Variants in NBN observed in about 807,000 individuals in gnomAD.
NBN encodes the protein Nijmegen breakage syndrome 1 (nibrin).
Under a neutral mutation model 90.8 loss-of-function variants are expected in NBN, and 88 were observed. The ratio of observed to expected loss-of-function variants is 0.97; its 90% CI spans 0.82 to 1.16. The LOEUF is 1.16. NBN is among the 50% of genes most tolerant of loss of function. The pLI is 0.00. For synonymous variants in NBN, 328 were observed against 295.1 expected (o/e 1.11, Z -1.14); for missense variants, 894 against 869.6 (o/e 1.03, Z -0.35).
In NBN at chr8:89,970,412, G is replaced by A. The variant is rs1554563853; in HGVS notation, c.848C>T (p.Pro283Leu). Reference sequence around the variant, plus strand: ...CTGAATCCATTTCTTCTGACAGTCAGGAATTAAGGTCTGTGAGTTTGTTAT... The same window carrying A: ...CTGAATCCATTTCTTCTGACAGTCAAGAATTAAGGTCTGTGAGTTTGTTAT... ...TGITNSQTLI[P>L]DCQKKWIQSI... Residue 283 changes from proline (P) to leucine (L), a missense_variant, in exon 7 of 16, where the codon CCT becomes CTT. Physicochemically the swap from Pro to Leu is moderately conservative, Grantham distance 98. Coordinates refer to ENST00000265433, the MANE Select transcript of NBN (RefSeq NM_002485.5). 2 of 1,613,910 alleles carry A rather than the reference G, an allele frequency of 1.2e-6. No homozygotes were observed. Among genetic ancestry groups the A allele is most frequent in the Non-Finnish European group, 1.7e-6 (2 of 1,179,890 alleles).
chr8:89,978,346 A>T, intron 4 of NBN, 23 bp from the exon 5 acceptor site: 1 of 1,564,406 alleles, frequency 6.4e-7, no homozygotes, highest in Non-Finnish European at 8.8e-7. Flanking sequence ...AAACATGTGA[A>T]TATATATATT....
chr8:89,964,281 T>C (rs561421997), intron 8 of NBN, 129 bp downstream of exon 8: 2 of 1,041,262 alleles, frequency 1.9e-6, no homozygotes, highest in South Asian at 1.4e-5. Flanking sequence ...TAAATGAAAG[T>C]ATAAATGGAT....
intron 2 of NBN, chr8:89,982,116 G>A (rs978517093): frequency 3.3e-6 from 1 of 304,840 alleles, no homozygotes; most frequent in South Asian, 3.3e-5. Flanking sequence ...GTTATCATGA[G>A]TACAGATATT....
chr8:89,980,790 T>G lies in NBN; in HGVS notation c.424A>C (p.Asn142His). 6.2e-7 allele frequency: 1 copy of G among 1,613,616 alleles called. No individual in the cohort carries two copies. The highest frequency in any genetic ancestry group is 8.5e-7 in the Non-Finnish European group (1 of 1,179,668). ...ILQLGGFTVN[N>H]WTEECTHLVM... is the part of the protein sequence containing the mutation. ...AGGTGAGTGCATTCTTCTGTCCAAT[T>G]GTTTACAGTAAATCCTCCAAGTTGC... The change falls in exon 4 of 16, where the codon AAT becomes CAT. Residue 142 changes from asparagine to histidine, a missense_variant. Transcript: ENST00000265433.
At chr8:89,940,771 T>C (rs1809903647) in intron 14 of NBN, among the ~76,000 whole-genome samples, 1 of 151,466 alleles carries the variant, frequency 6.6e-6, no homozygotes, top group African/African-American at 2.4e-5. Flanking sequence ...AATAGAACAA[T>C]GAAATGAAAA....
At chr8:89,960,227 T>C (rs1586068280) in intron 8 of NBN, among the ~76,000 whole-genome samples, 1 of 152,252 alleles carries the variant, frequency 6.6e-6, no homozygotes, top group Non-Finnish European at 1.5e-5. Context: ...TTAAATGACT[T>C]CCGCCACTTT....
chr8:89,954,390 T>C (rs1435920586), intron 10 of NBN, among the ~76,000 whole-genome samples: 1 of 152,102 alleles, frequency 6.6e-6, no homozygotes, highest in Non-Finnish European at 1.5e-5. Flanking sequence ...GAGAGGTTTT[T>C]GTAATAATTT....
At chr8:89,940,897 A>G (rs1042144234) in intron 14 of NBN, among the ~76,000 whole-genome samples, 13 of 152,184 alleles carry the variant, frequency 8.5e-5, no homozygotes, top group Admixed American at 3.3e-4. Context: ...TTTAATCCTC[A>G]TATGTCTGTG....
chr8:89,984,248 T>G (rs1812218959), intron 1 of NBN: 1 of 543,212 alleles, frequency 1.8e-6, no homozygotes, highest in Admixed American at 3.2e-5. Context: ...GGCGCGGGGG[T>G]GAGGCTGGGA....
chr8:89,957,497 T>C (rs939552741), intron 9 of NBN, among the ~76,000 whole-genome samples: 1 of 152,194 alleles, frequency 6.6e-6, no homozygotes, highest in Admixed American at 6.5e-5. Context: ...TTTTTGCATA[T>C]AAATTTAGTG....
rs180738342 is a variant in NBN, at chr8:89,973,675, T to C, written c.585-2385A>G. 5.3e-5 allele frequency among the ~76,000 whole-genome samples: 8 copies of C among 152,320 alleles called. No homozygotes were observed. The East Asian group carries it at 5.8e-4, about 11-fold the overall frequency. ...ACTAGTGATGAATGTGAAGAGATCA[T>C]TGAAAATCATTACGTCTGAAGCATT... On this transcript the variant is annotated intron_variant, in intron 5 of 15. Transcript: ENST00000265433.
In NBN at chr8:89,935,441, G is replaced by C; in HGVS notation, c.*141C>G. On this transcript the variant is annotated 3_prime_UTR_variant, in exon 16 of 16. Coordinates refer to ENST00000265433, the MANE Select transcript of NBN (RefSeq NM_002485.5). ...TTACATACAAAAGAATCAAAGTTTTGTGCATTTTATTTAATAAATTTAGGC... is the reference window on the plus strand; with the variant it reads ...TTACATACAAAAGAATCAAAGTTTTCTGCATTTTATTTAATAAATTTAGGC... The C allele has an allele frequency of 2.1e-6, 2 of 939,714 alleles. No homozygotes were observed. Among genetic ancestry groups the C allele is most frequent in the South Asian group, 1.6e-5 (1 of 64,494 alleles). The allele number at this position is 939,714 out of a possible 1,614,324, so 58.2% of individuals were successfully genotyped here.
chr8:89,971,455 T>A, intron 5 of NBN, 165 bp from the exon 6 acceptor site: 2 of 457,114 alleles, frequency 4.4e-6, no homozygotes, highest in Non-Finnish European at 5.8e-6. Flanking sequence ...AAAAAGCATC[T>A]AATCGCGTTT....
At chr8:89,944,912 T>C (rs1810121653) in intron 13 of NBN, among the ~76,000 whole-genome samples, 1 of 152,166 alleles carries the variant, frequency 6.6e-6, no homozygotes, top group Admixed American at 6.5e-5. Flanking sequence ...TCAGACAAAT[T>C]CCTGCATTAA....
intron 8 of NBN, among the ~76,000 whole-genome samples, chr8:89,961,773 G>A (rs1413848694): frequency 6.6e-6 from 1 of 152,220 alleles, no homozygotes; most frequent in African/African-American, 2.4e-5. Flanking sequence ...ATAAGAGCTA[G>A]TTAAAATTTT....
At chr8:89,939,308 T>C (rs10090863) in intron 14 of NBN, among the ~76,000 whole-genome samples, 20,307 of 152,030 alleles carry the variant, frequency 0.13, 2,983 homozygotes, top group African/African-American at 0.37. Context: ...GCAGTAGCCA[T>C]GCAGCAAAAG....
rs199657566 is a variant in NBN at position 89,947,826 on chromosome 8, A to G, written c.1912T>C (p.Ser638Pro). 2.8e-5 allele frequency: 43 copies of G among 1,557,894 alleles called. No individual in the cohort carries two copies. The highest frequency in any genetic ancestry group is 9.1e-5 in the East Asian group (4 of 44,186). The change falls in exon 12 of 16, where the codon TCT becomes CCT. Residue 638 changes from serine to proline, a missense_variant and splice_region_variant. Transcript: ENST00000265433. The stretch of plus-strand genomic sequence containing the variant: ...AAAATTAATAAAACGTTTCTCACAG[A>G]TATTTCTTTAGCTGACCATAGTGAG... ...EDSLWSAKEISNNDKLQDDSE... is the reference protein window; with the variant it reads ...EDSLWSAKEIPNNDKLQDDSE...
In NBN at chr8:89,970,361, T is replaced by G. The variant is rs1158019133; in HGVS notation, c.896+3A>C. Reference sequence around the variant, plus strand: ...TTTTTACTAATAAAGAATAATTCTATACCTTTGGAGCATATCCATTATTGA... The same window carrying G: ...TTTTTACTAATAAAGAATAATTCTAGACCTTTGGAGCATATCCATTATTGA... On this transcript the variant is annotated splice_donor_region_variant and intron_variant, in intron 7 of 15. Transcript: ENST00000265433. The G allele has an allele frequency of 6.3e-7, 1 of 1,600,000 alleles. No homozygotes were observed. The highest frequency in any genetic ancestry group is 8.6e-7 in the Non-Finnish European group (1 of 1,167,692).
chr8:89,970,534 A>C lies in NBN; in HGVS notation c.726T>G (p.Val242=). Residue 242 remains valine, a synonymous_variant, in exon 7 of 16, where the codon GTT becomes GTG. Transcript: ENST00000265433. The part of the protein sequence containing the change: ...AKQHKKLSSA[V]VFGGGEARLI... ...ACCTAGCTTCCCCACCTCCAAAGAC[A>C]ACTGCGGAACTCAATTTCTTATGCT... The C allele has an allele frequency of 6.2e-7, 1 of 1,613,802 alleles. No homozygotes were observed. The highest frequency in any genetic ancestry group is 8.5e-7 in the Non-Finnish European group (1 of 1,179,734).
Sources: gnomAD v4.1 joint callset for allele counts (sites outside exome capture counted in the v4.1 genomes callset) on GRCh38, gnomAD v4.1.1 for gene constraint, MANE v1.5 for transcripts, NCBI Gene and HGNC (gene_info 2026-07-23, HGNC 2026-07-21) for gene names.